Variants in FGF14 observed in about 807,000 individuals in gnomAD.
FGF14 encodes the protein fibroblast growth factor homologous factor 4.
In FGF14, 5 loss-of-function variants were observed where a neutral mutation model predicts 25.5. The observed-to-expected ratio is 0.20, with a 90% CI of 0.10 to 0.41. FGF14 has a LOEUF of 0.41. Among genes scored for constraint, FGF14 ranks in the 10% least tolerant of loss-of-function variants. The pLI is 1.00. For synonymous variants in FGF14, 138 were observed against 118.3 expected (o/e 1.17, Z -1.08); for missense variants, 222 against 320.1 (o/e 0.69, Z 2.34).
intron 1 of FGF14, among the ~76,000 whole-genome samples, chr13:101,944,733 T>C (rs567297503): frequency 1.1e-4 from 16 of 152,320 alleles, no homozygotes; most frequent in African/African-American, 2.9e-4. Context: ...TGACTCATGC[T>C]ACAGCATGAA....
intron 1 of FGF14, among the ~76,000 whole-genome samples, chr13:102,041,819 G>A (rs1165261490): frequency 6.6e-6 from 1 of 152,036 alleles, no homozygotes; most frequent in African/African-American, 2.4e-5. Context: ...ACCTATCTAG[G>A]TGAAAGTTCT....
At chr13:102,049,106 AT>A (rs1315672564) in intron 1 of FGF14, among the ~76,000 whole-genome samples, 2 of 151,102 alleles carry the variant, frequency 1.3e-5, no homozygotes, top group Non-Finnish European at 1.5e-5. Context: ...TCAATCAACC[AT>A]TTTAAAGGAA....
chr13:102,315,095 T>C (rs2055956005), intron 1 of FGF14, among the ~76,000 whole-genome samples: 1 of 151,936 alleles, frequency 6.6e-6, no homozygotes, highest in African/African-American at 2.4e-5. Flanking sequence ...CAAACATGTA[T>C]ATATGTTTGT....
chr13:102,045,882 C>A (rs2041960191), intron 1 of FGF14: 2 of 153,226 alleles, frequency 1.3e-5, no homozygotes, highest in African/African-American at 4.8e-5. Context: ...TGCAGAAGGG[C>A]CCGGGGTCTG....
chr13:102,025,896 TTG>T (rs146100753), intron 1 of FGF14, among the ~76,000 whole-genome samples: 11 of 151,704 alleles, frequency 7.3e-5, no homozygotes, highest in African/African-American at 2.7e-4. Flanking sequence ...ATAGTTGTGT[TTG>T]TGTGTGTGTG....
intron 1 of FGF14, among the ~76,000 whole-genome samples, chr13:102,132,342 A>T (rs2046234441): frequency 6.6e-6 from 1 of 152,212 alleles, no homozygotes. Context: ...ACATATACAC[A>T]TAAAACATTA....
intron 1 of FGF14, among the ~76,000 whole-genome samples, chr13:102,219,652 T>C (rs2050524084): frequency 6.6e-6 from 1 of 152,208 alleles, no homozygotes; most frequent in Non-Finnish European, 1.5e-5. Flanking sequence ...GCTGTTGAAA[T>C]TGATACTAAA....
chr13:102,117,548 A>T (rs1229653364), intron 1 of FGF14, among the ~76,000 whole-genome samples: 1 of 122,460 alleles, frequency 8.2e-6, no homozygotes, highest in Non-Finnish European at 1.6e-5. Flanking sequence ...TAGAAGTACA[A>T]AATACTATAA....
chr13:102,301,710 C>A (rs2055063343), intron 1 of FGF14, among the ~76,000 whole-genome samples: 1 of 152,056 alleles, frequency 6.6e-6, no homozygotes, highest in Non-Finnish European at 1.5e-5. Flanking sequence ...CACAAGCACA[C>A]TTTTCTTCAA....
intron 1 of FGF14, among the ~76,000 whole-genome samples, chr13:102,227,833 G>A (rs1292485370): frequency 6.6e-6 from 1 of 152,012 alleles, no homozygotes; most frequent in South Asian, 2.1e-4. Flanking sequence ...ATAACAGGTG[G>A]GTACTTTCAA....
At chr13:102,045,491 T>C (rs971907308) in intron 1 of FGF14, among the ~76,000 whole-genome samples, 2 of 152,184 alleles carry the variant, frequency 1.3e-5, no homozygotes, top group Non-Finnish European at 2.9e-5. Context: ...CAACTCATTG[T>C]CTGATTTTGA....
intron 1 of FGF14, among the ~76,000 whole-genome samples, chr13:102,068,778 G>A (rs538756034): frequency 2.0e-4 from 31 of 152,288 alleles, no homozygotes; most frequent in South Asian, 1.2e-3. Flanking sequence ...GCTCCTGTGC[G>A]GCCCGAGCCT....
chr13:101,821,106 G>C (rs1205985734), intron 3 of FGF14, among the ~76,000 whole-genome samples: 11 of 150,700 alleles, frequency 7.3e-5, no homozygotes, highest in Non-Finnish European at 1.6e-4. Flanking sequence ...CCGCTACCAC[G>C]CCGGGCTAAT....
intron 1 of FGF14, among the ~76,000 whole-genome samples, chr13:102,326,672 AGG>A (rs1566938796): frequency 9.1e-4 from 55 of 60,242 alleles, no homozygotes; most frequent in Non-Finnish European, 1.4e-3. Flanking sequence ...AGGGAGGGGA[AGG>A]GAAGGGAAGG....
intron 1 of FGF14, among the ~76,000 whole-genome samples, chr13:102,251,904 G>C (rs1019019152): frequency 6.6e-6 from 1 of 152,124 alleles, no homozygotes; most frequent in Non-Finnish European, 1.5e-5. Flanking sequence ...AATTTGAAAT[G>C]AAATTTATGA....
chr13:101,837,347 C>CAGTTAT (rs1421838375), intron 3 of FGF14, among the ~76,000 whole-genome samples: 1 of 152,060 alleles, frequency 6.6e-6, no homozygotes, highest in Non-Finnish European at 1.5e-5. Context: ...AATGTGAGCT[C>CAGTTAT]TGCTATGCCA....
intron 1 of FGF14, among the ~76,000 whole-genome samples, chr13:102,396,944 A>G (rs1210365803): frequency 2.0e-5 from 3 of 152,212 alleles, no homozygotes; most frequent in Non-Finnish European, 4.4e-5. Flanking sequence ...AACTAATACT[A>G]CATTGAATCC....
chr13:101,900,049 CCAGA>C lies in FGF14; in HGVS notation c.193+16400_193+16403del, dbSNP rs564706180. On this transcript the variant is annotated intron_variant, in intron 1 of 4. Coordinates refer to ENST00000376143, the MANE Select transcript of FGF14 (RefSeq NM_004115.4). ...GTAATTTTTTGTTATAAAAAGATAACCAGACAATTGTTAAATATTTTGAAATTAA... is the reference window on the plus strand; with the variant it reads ...GTAATTTTTTGTTATAAAAAGATAACCAATTGTTAAATATTTTGAAATTAA... Among the ~76,000 whole-genome samples the C allele has an allele frequency of 8.6e-4, 131 of 152,030 alleles. 1 individual carries two copies. The highest frequency in any genetic ancestry group is 2.9e-3 in the African/African-American group (121 of 41,488).
chr13:102,157,522 G>A (rs1248893927), intron 1 of FGF14, among the ~76,000 whole-genome samples: 2 of 152,152 alleles, frequency 1.3e-5, no homozygotes, highest in East Asian at 3.9e-4. Context: ...ATGTATTAAA[G>A]ACTTAAATGT....
Sources: gnomAD v4.1 joint callset for allele counts (sites outside exome capture counted in the v4.1 genomes callset) on GRCh38, gnomAD v4.1.1 for gene constraint, MANE v1.5 for transcripts, NCBI Gene and HGNC (gene_info 2026-07-23, HGNC 2026-07-21) for gene names.